The following RAP1A variants were observed in gnomAD, a reference collection of about 807,000 sequenced individuals.
RAP1A encodes ras-related protein Rap-1A.
RAP1A carries 6 observed loss-of-function variants against 26.4 expected under a neutral mutation model. The ratio of observed to expected loss-of-function variants is 0.23; its 90% CI spans 0.12 to 0.45. The LOEUF is 0.45. Ranked by LOEUF, RAP1A falls within the 20% of genes least tolerant of loss-of-function variation. The pLI, the probability that RAP1A is intolerant of heterozygous loss-of-function variation, is 0.99. For synonymous variants in RAP1A, 73 were observed against 79.4 expected, an observed-to-expected ratio of 0.92 and a Z score of 0.43; for missense variants, 121 against 217.2, an observed-to-expected ratio of 0.56 and a Z score of 2.78.
intron 1 of RAP1A, among the ~76,000 whole-genome samples, chr1:111,678,734 A>G (rs1211758025): frequency 6.6e-6 from 1 of 151,658 alleles, no homozygotes; most frequent in Non-Finnish European, 1.5e-5. Context: ...CTGAAATGTC[A>G]TTATGCAGCA....
At position 111,650,934 on chromosome 1, in the gene RAP1A, T is replaced by G. The variant is rs1023833913; in HGVS notation, c.-28+31000T>G. Among the ~76,000 whole-genome samples, 5 of 152,216 alleles carry G rather than the reference T, an allele frequency of 3.3e-5. No homozygotes were observed. In the East Asian group the frequency reaches 5.8e-4, roughly 18 times the overall value. ...CTCCTGCCTCAGCCTCCCAAGTAGC[T>G]GGGACTACAGGCACCCGCCACCACG... On this transcript the variant is annotated intron_variant, in intron 1 of 7. Transcript: ENST00000369709.
At chr1:111,648,105 C>G (rs577897631) in intron 1 of RAP1A, among the ~76,000 whole-genome samples, 2 of 151,394 alleles carry the variant, frequency 1.3e-5, no homozygotes, top group African/African-American at 4.8e-5. Flanking sequence ...CAGTCTTGCT[C>G]TGTTGCCCAG....
intron 1 of RAP1A, among the ~76,000 whole-genome samples, chr1:111,555,197 C>T (rs12039001): frequency 6.6e-6 from 1 of 151,524 alleles, no homozygotes; most frequent in African/African-American, 2.4e-5. Flanking sequence ...AAGACCCTGT[C>T]TCTACTAAAA....
chr1:111,635,576 T>A (rs75999659), intron 1 of RAP1A, among the ~76,000 whole-genome samples: 3 of 152,170 alleles, frequency 2.0e-5, no homozygotes, highest in African/African-American at 7.2e-5. Context: ...TGTTTTGTTT[T>A]GTTTCTGAAA....
At chr1:111,705,991 A>T (rs556322833) in intron 6 of RAP1A, among the ~76,000 whole-genome samples, 1 of 152,186 alleles carries the variant, frequency 6.6e-6, no homozygotes, top group Admixed American at 6.5e-5. Flanking sequence ...AGGACAGTAC[A>T]CTACATGTTT....
chr1:111,569,014 T>G (rs910286854), intron 1 of RAP1A, among the ~76,000 whole-genome samples: 6 of 152,202 alleles, frequency 3.9e-5, no homozygotes, highest in Admixed American at 1.3e-4. Context: ...AAAATTTTAT[T>G]TTGCATATTA....
At chr1:111,558,749 G>A (rs2786975) in intron 1 of RAP1A, among the ~76,000 whole-genome samples, 87,150 of 151,954 alleles carry the variant, frequency 0.57, 26,084 homozygotes, top group African/African-American at 0.75. Context: ...TTTAAACTAT[G>A]TAAAGTAAAA....
intron 1 of RAP1A, among the ~76,000 whole-genome samples, chr1:111,587,725 G>A (rs890916321): frequency 2.6e-5 from 4 of 151,966 alleles, no homozygotes; most frequent in Admixed American, 2.0e-4. Context: ...TACAAATCTA[G>A]TGCAATCTGG....
At chr1:111,641,737 C>T (rs895895003) in intron 1 of RAP1A, among the ~76,000 whole-genome samples, 16 of 151,996 alleles carry the variant, frequency 1.1e-4, no homozygotes, top group African/African-American at 3.9e-4. Context: ...AGTATTGGTT[C>T]ATCCATAGTG....
chr1:111,691,302 C>G (rs527524248), intron 1 of RAP1A, 32 bp from the exon 2 acceptor site: 1 of 1,495,930 alleles, frequency 6.7e-7, no homozygotes, highest in South Asian at 1.1e-5. Flanking sequence ...TAGCATGTTT[C>G]TTAATCTTTG....
At chr1:111,695,286 C>A in intron 2 of RAP1A, 55 bp from the exon 3 acceptor site, 1 of 1,298,576 alleles carries the variant, frequency 7.7e-7, no homozygotes, top group Non-Finnish European at 1.1e-6. Flanking sequence ...GGTTAAGTAA[C>A]ATTCAAAGGA....
intron 1 of RAP1A, among the ~76,000 whole-genome samples, chr1:111,579,887 G>C (rs1658219498): frequency 6.6e-6 from 1 of 151,708 alleles, no homozygotes; most frequent in Admixed American, 6.6e-5. Context: ...TCGGCTCACT[G>C]CAAGCGAGTC....
At chr1:111,645,699 C>G (rs1251662153) in intron 1 of RAP1A, among the ~76,000 whole-genome samples, 1 of 152,154 alleles carries the variant, frequency 6.6e-6, no homozygotes, top group African/African-American at 2.4e-5. Flanking sequence ...ACCCTGCGAG[C>G]CAGGCACTGT....
intron 1 of RAP1A, among the ~76,000 whole-genome samples, chr1:111,562,855 C>T (rs2800904): frequency 0.91 from 137,863 of 152,252 alleles, 62,501 homozygotes; most frequent in East Asian, 0.95. Context: ...CAATCAAGTA[C>T]TTTAGAAAAG....
chr1:111,623,139 T>C (rs1311459369), intron 1 of RAP1A, among the ~76,000 whole-genome samples: 1 of 151,628 alleles, frequency 6.6e-6, no homozygotes, highest in African/African-American at 2.4e-5. Context: ...TGTCTCAGCC[T>C]CCCCAGTAGC....
chr1:111,706,972 G>A (rs571138005), intron 6 of RAP1A, among the ~76,000 whole-genome samples: 1 of 152,206 alleles, frequency 6.6e-6, no homozygotes, highest in East Asian at 1.9e-4. Context: ...TGAGTATAGG[G>A]AACTAATGAA....
intron 1 of RAP1A, among the ~76,000 whole-genome samples, chr1:111,543,748 G>A (rs1179137058): frequency 6.6e-6 from 1 of 151,420 alleles, no homozygotes; most frequent in African/African-American, 2.4e-5. Context: ...GAGGGAAGAA[G>A]CCCTACTGCA....
chr1:111,579,465 T>C (rs774013398), intron 1 of RAP1A, among the ~76,000 whole-genome samples: 1 of 152,182 alleles, frequency 6.6e-6, no homozygotes, highest in Non-Finnish European at 1.5e-5. Flanking sequence ...TGCCAGGTAC[T>C]TTATGAAGTT....
At chr1:111,622,835 C>T (rs546151260) in intron 1 of RAP1A, among the ~76,000 whole-genome samples, 68 of 152,250 alleles carry the variant, frequency 4.5e-4, no homozygotes, top group African/African-American at 1.5e-3. Flanking sequence ...TCTCTGCCCT[C>T]AGGGAGTTTC....
Sources: allele counts gnomAD v4.1 joint callset (sites outside exome capture counted in the v4.1 genomes callset), GRCh38; gene constraint gnomAD v4.1.1; transcripts MANE v1.5; gene names NCBI Gene and HGNC (gene_info 2026-07-23, HGNC 2026-07-21).